The following CPED1 variants were observed in gnomAD, a reference collection of about 807,000 sequenced individuals.
The protein encoded by CPED1 is cadherin-like and PC-esterase domain-containing protein 1.
CPED1 carries 114 observed loss-of-function variants against 128.2 expected under a neutral mutation model. The observed-to-expected ratio is 0.89, with a 90% CI of 0.76 to 1.04. The LOEUF is 1.04. CPED1 is among the 50% of genes least tolerant of loss of function. The pLI is 0.00. For missense variants in CPED1, 1,211 were observed against 1,207.1 expected (o/e 1.00, Z -0.05); for synonymous variants, 462 against 426.7 (o/e 1.08, Z -1.02).
At chr7:121,111,648 G>A (rs961553850) in intron 7 of CPED1, among the ~76,000 whole-genome samples, 2 of 152,174 alleles carry the variant, frequency 1.3e-5, no homozygotes, top group Admixed American at 6.5e-5. Flanking sequence ...AGTTAGAGAA[G>A]TTTGAAACAA....
intron 4 of CPED1, among the ~76,000 whole-genome samples, chr7:121,062,608 A>G (rs1793702448): frequency 6.6e-6 from 1 of 152,202 alleles, no homozygotes; most frequent in Non-Finnish European, 1.5e-5. Flanking sequence ...TTAAGATTGA[A>G]AGTGTACTGC....
chr7:121,049,764 G>T (rs1793302263), intron 4 of CPED1, among the ~76,000 whole-genome samples: 1 of 152,152 alleles, frequency 6.6e-6, no homozygotes, highest in African/African-American at 2.4e-5. Flanking sequence ...TGTCTGCCTG[G>T]AATGCTCTTT....
intron 18 of CPED1, among the ~76,000 whole-genome samples, chr7:121,260,916 T>C (rs1792002633): frequency 6.6e-6 from 1 of 152,114 alleles, no homozygotes; most frequent in Non-Finnish European, 1.5e-5. Context: ...TTTTTTTCTT[T>C]TTCTTTTCTT....
intron 3 of CPED1, among the ~76,000 whole-genome samples, chr7:121,036,513 TTTTTC>T (rs201120600): frequency 1.5e-5 from 2 of 137,412 alleles, no homozygotes; most frequent in Admixed American, 1.5e-4. Flanking sequence ...ATATATTTTT[TTTTTC>T]TTTCTTTATC....
At chr7:121,131,576 C>G (rs1213580084) in intron 12 of CPED1, among the ~76,000 whole-genome samples, 2 of 150,566 alleles carry the variant, frequency 1.3e-5, no homozygotes, top group Non-Finnish European at 1.5e-5. Context: ...AAATTTTTCT[C>G]AAGCTCCATG....
intron 7 of CPED1, among the ~76,000 whole-genome samples, chr7:121,109,512 G>A (rs1021654896): frequency 3.9e-5 from 6 of 152,162 alleles, no homozygotes; most frequent in Admixed American, 1.3e-4. Context: ...ATATATATCC[G>A]TATTCATATG....
At chr7:121,109,193 C>T (rs1228040296) in intron 7 of CPED1, among the ~76,000 whole-genome samples, 1 of 152,112 alleles carries the variant, frequency 6.6e-6, no homozygotes, top group East Asian at 1.9e-4. Flanking sequence ...AATGGATTCT[C>T]TCCCAGGACT....
chr7:121,002,760 TTC>T (rs1490216016), intron 2 of CPED1, among the ~76,000 whole-genome samples: 1 of 152,198 alleles, frequency 6.6e-6, no homozygotes, highest in Non-Finnish European at 1.5e-5. Context: ...CGGAAATATA[TTC>T]TGTCAGACAT....
chr7:121,174,627 C>A lies in CPED1; in HGVS notation c.2055+32486C>A, dbSNP rs536032707. Among the ~76,000 whole-genome samples, 95 of 152,026 alleles carry A rather than the reference C, an allele frequency of 6.2e-4. 1 individual carries two copies. The highest frequency in any genetic ancestry group is 4.4e-5 in the Non-Finnish European group (3 of 67,968). On this transcript the variant is annotated intron_variant, in intron 16 of 22. Transcript: ENST00000310396. ...ACCATGTTGTTTTGGTTACTGTAAT[C>A]CTGTAATATAGTTTGAAGTCAGGTA... is the stretch of plus-strand genomic sequence containing the variant.
At chr7:121,098,662 G>A (rs1484822332) in intron 6 of CPED1, among the ~76,000 whole-genome samples, 1 of 150,446 alleles carries the variant, frequency 6.6e-6, no homozygotes, top group Non-Finnish European at 1.5e-5. Context: ...AGCCCTCGAA[G>A]TGGAGGCTGC....
At chr7:121,145,903 C>G (rs1796014328) in intron 16 of CPED1, among the ~76,000 whole-genome samples, 1 of 151,858 alleles carries the variant, frequency 6.6e-6, no homozygotes, top group Non-Finnish European at 1.5e-5. Flanking sequence ...ATCCCCAAAG[C>G]CTATGCAGGC....
At chr7:121,214,959 G>A (rs1797727447) in intron 16 of CPED1, among the ~76,000 whole-genome samples, 2 of 152,018 alleles carry the variant, frequency 1.3e-5, no homozygotes, top group Admixed American at 1.3e-4. Flanking sequence ...GACATGTAAT[G>A]GGATACATTT....
At chr7:121,187,188 G>A (rs1370644194) in intron 16 of CPED1, among the ~76,000 whole-genome samples, 1 of 152,186 alleles carries the variant, frequency 6.6e-6, no homozygotes, top group African/African-American at 2.4e-5. Context: ...TATGCTAAGT[G>A]CTGTAAATGA....
chr7:121,085,114 A>G (rs1794389615), intron 5 of CPED1, among the ~76,000 whole-genome samples: 1 of 152,148 alleles, frequency 6.6e-6, no homozygotes, highest in South Asian at 2.1e-4. Flanking sequence ...CCCCATGGCC[A>G]TCTGCTGCTG....
intron 2 of CPED1, among the ~76,000 whole-genome samples, chr7:121,001,597 C>T (rs950228922): frequency 3.9e-5 from 6 of 152,156 alleles, no homozygotes; most frequent in Middle Eastern, 3.4e-3. Flanking sequence ...AAGTAGGTGG[C>T]GTTAGGGTGG....
intron 16 of CPED1, among the ~76,000 whole-genome samples, chr7:121,183,501 C>T (rs1374461002): frequency 6.6e-6 from 1 of 152,102 alleles, no homozygotes; most frequent in African/African-American, 2.4e-5. Context: ...AGATGACTGA[C>T]AGTCTTCTGT....
chr7:121,006,847 C>G (rs1331807301), intron 2 of CPED1, among the ~76,000 whole-genome samples: 1 of 151,918 alleles, frequency 6.6e-6, no homozygotes, highest in Admixed American at 6.6e-5. Flanking sequence ...TCAAAGGAGC[C>G]TTGAAGAGGA....
intron 22 of CPED1, 105 bp downstream of exon 22, chr7:121,271,535 A>G: frequency 8.7e-7 from 1 of 1,146,674 alleles, no homozygotes; most frequent in South Asian, 1.5e-5. Context: ...ACAAAAAACA[A>G]TGTCAGGTGG....
rs147990508 is a variant in CPED1, at chr7:121,241,698, G to A, written c.2174-2504G>A. Among the ~76,000 whole-genome samples, 1,081 of 152,090 alleles carry A rather than the reference G, an allele frequency of 7.1e-3. 14 individuals carry two copies. Among genetic ancestry groups the A allele is most frequent in the Middle Eastern group, 0.01 (3 of 294 alleles). ...CTGTTCACATATTATCTGCTTCATGGACCCTTCCAGAAAACTCTGACCTCC... is the reference window on the plus strand; with the variant it reads ...CTGTTCACATATTATCTGCTTCATGAACCCTTCCAGAAAACTCTGACCTCC... On this transcript the variant is annotated intron_variant, in intron 17 of 22. Transcript: ENST00000310396.
Sources: allele counts gnomAD v4.1 joint callset (sites outside exome capture counted in the v4.1 genomes callset), GRCh38; gene constraint gnomAD v4.1.1; transcripts MANE v1.5; gene names NCBI Gene and HGNC (gene_info 2026-07-23, HGNC 2026-07-21).